Variants in PNRC2 observed in about 807,000 individuals in gnomAD.
PNRC2 encodes proline rich nuclear receptor coactivator 2.
Under a neutral mutation model 12.2 loss-of-function variants are expected in PNRC2, and 2 were observed. The observed-to-expected ratio is 0.16, with a 90% CI of 0.07 to 0.52. The LOEUF (loss-of-function observed/expected upper bound fraction) is 0.52, where lower values mean the gene tolerates loss of function less well. Among genes scored for constraint, PNRC2 ranks in the 20% least tolerant of loss-of-function variants. PNRC2 has a pLI of 0.95. For synonymous variants in PNRC2, 44 were observed against 53.9 expected, an observed-to-expected ratio of 0.82 and a Z score of 0.80; for missense variants, 115 against 158.4, an observed-to-expected ratio of 0.73 and a Z score of 1.47.
chr1:23,959,958 G>A lies in PNRC2; in HGVS notation c.-265G>A, dbSNP rs1014590067. Reference sequence around the variant, plus strand: ...GGAAAGGGAGGGAGGCTTCGACGTCGAGAGGGAGCCGCTGCCGCGTTAGTT... The same window carrying A: ...GGAAAGGGAGGGAGGCTTCGACGTCAAGAGGGAGCCGCTGCCGCGTTAGTT... On this transcript the variant is annotated 5_prime_UTR_variant, in exon 1 of 3. Coordinates refer to ENST00000334351, the MANE Select transcript of PNRC2 (RefSeq NM_017761.4). 4 of 152,292 alleles carry A rather than the reference G, an allele frequency of 2.6e-5. No homozygotes were observed. Among genetic ancestry groups the A allele is most frequent in the African/African-American group, 7.2e-5 (3 of 41,478 alleles). The allele number at this position is 152,292 out of a possible 1,614,324, so 9.4% of individuals were successfully genotyped here. A position where few individuals can be genotyped will look rare whatever the true frequency, so the allele number is the denominator to read the frequency against.
chr1:23,961,410 T>A, intron 2 of PNRC2, 30 bp from the exon 3 acceptor site: 4 of 1,452,020 alleles, frequency 2.8e-6, no homozygotes, highest in Non-Finnish European at 3.7e-6. Flanking sequence ...AATGGAATTT[T>A]ACTCAATATT....
intron 1 of PNRC2, among the ~76,000 whole-genome samples, chr1:23,960,385 A>AT (rs1175044616): frequency 2.6e-5 from 4 of 152,222 alleles, no homozygotes. Context: ...CTAGGGAGAC[A>AT]TTTTTATATA....
rs1488822044 is a variant in PNRC2 at position 23,961,696 on chromosome 1, G to A, written c.239G>A (p.Gly80Asp). 3.1e-6 allele frequency: 5 copies of A among 1,613,842 alleles called. No individual in the cohort carries two copies. Among genetic ancestry groups the A allele is most frequent in the Non-Finnish European group, 4.2e-6 (5 of 1,179,866 alleles). The change falls in exon 3 of 3, where the codon GGT becomes GAT. Residue 80 changes from glycine (G) to aspartate (D), a missense_variant. Physicochemically the swap from Gly to Asp is moderately conservative, Grantham distance 94. Around this residue, in one of 2 missense-constraint regions of PNRC2, gnomAD observed 98 missense variants for 112.4 expected, o/e 0.87. Coordinates refer to ENST00000334351, the MANE Select transcript of PNRC2 (RefSeq NM_017761.4). The stretch of plus-strand genomic sequence containing the variant: ...CAAAGTTGGAATTCTAGCTTATCAG[G>A]TCCCAGGTTACTTTTTAAATCTCAA... ...NNQSWNSSLSGPRLLFKSQAN... is the reference protein window; with the variant it reads ...NNQSWNSSLSDPRLLFKSQAN...
In PNRC2 at chr1:23,961,280, T is replaced by G. The variant is rs1221159781; in HGVS notation, c.-19+146T>G. On this transcript the variant is annotated intron_variant, in intron 2 of 2. Transcript: ENST00000334351. Reference sequence around the variant, plus strand: ...TAAAGGTTGTGCATATATTGAAGTCTGAACGGCTTGCTTTTTTGAGTTTAA... The same window carrying G: ...TAAAGGTTGTGCATATATTGAAGTCGGAACGGCTTGCTTTTTTGAGTTTAA... The G allele has an allele frequency of 6.3e-5, 34 of 540,536 alleles. No individual in the cohort carries two copies. The African/African-American group carries it at 6.4e-4, about 10-fold the overall frequency. The allele number at this position is 540,536 out of a possible 1,614,324, so 33.5% of individuals were successfully genotyped here. A position where few individuals can be genotyped will look rare whatever the true frequency, so the allele number is the denominator to read the frequency against.
chr1:23,961,914 A>G lies in PNRC2; in HGVS notation c.*37A>G, dbSNP rs3211051. 524,970 of 1,266,918 alleles carry G rather than the reference A, an allele frequency of 0.41. 108,775 individuals carry two copies. The highest frequency in any genetic ancestry group is 0.45 in the Non-Finnish European group (409,438 of 903,032). 78.5% of individuals were successfully genotyped at this position (1,266,918 alleles called of 1,614,324 possible). ...TGTTTAAATTTAGTTATGTTCACGG[A>G]TAGTTGTCAATTGGTCTGAAACAAA... On this transcript the variant is annotated 3_prime_UTR_variant, in exon 3 of 3. Transcript: ENST00000334351.
At chr1:23,960,530 T>C (rs1282455130) in intron 1 of PNRC2, among the ~76,000 whole-genome samples, 1 of 152,212 alleles carries the variant, frequency 6.6e-6, no homozygotes, top group Non-Finnish European at 1.5e-5. Context: ...ATGTGACATG[T>C]GTGGAAAGAT....
In PNRC2 at chr1:23,963,135, A is replaced by C. The variant is rs1641313079; in HGVS notation, c.*1258A>C. On this transcript the variant is annotated 3_prime_UTR_variant, in exon 3 of 3. Coordinates refer to ENST00000334351, the MANE Select transcript of PNRC2 (RefSeq NM_017761.4). ...GCAACCCAATGGACCACTTATGCAA[A>C]AGATGTAAACTCTTGCATAATACAT... 2 of 167,058 alleles carry C rather than the reference A, an allele frequency of 1.2e-5. No homozygotes were observed. Among genetic ancestry groups the C allele is most frequent in the African/African-American group, 2.4e-5 (1 of 41,450 alleles). 10.3% of individuals were successfully genotyped at this position (167,058 alleles called of 1,614,324 possible). A position where few individuals can be genotyped will look rare whatever the true frequency, so the allele number is the denominator to read the frequency against.
In PNRC2 at chr1:23,963,088, T is replaced by C. The variant is rs922931458; in HGVS notation, c.*1211T>C. ...AGTATGGTGCCAGTGATGTTTTGTT[T>C]TTGTTTGGTCAAGGGGTAGGTGCAA... On this transcript the variant is annotated 3_prime_UTR_variant, in exon 3 of 3. Coordinates refer to ENST00000334351, the MANE Select transcript of PNRC2 (RefSeq NM_017761.4). The C allele has an allele frequency of 3.0e-5, 5 of 167,016 alleles. No homozygotes were observed. Among genetic ancestry groups the C allele is most frequent in the South Asian group, 2.1e-4 (1 of 4,832 alleles). The allele number at this position is 167,016 out of a possible 1,614,324, so 10.3% of individuals were successfully genotyped here.
Position 23,961,891 on chromosome 1 carries a change from T to C in PNRC2, c.*14T>C. On this transcript the variant is annotated 3_prime_UTR_variant, in exon 3 of 3. Transcript: ENST00000334351. ...GTACAGGTATAAAATAAGACAAATG[T>C]TTAAATTTAGTTATGTTCACGGATA... The C allele has an allele frequency of 2.7e-6, 4 of 1,484,008 alleles. No individual in the cohort carries two copies. The highest frequency in any genetic ancestry group is 3.7e-6 in the Non-Finnish European group (4 of 1,088,160). The allele number at this position is 1,484,008 out of a possible 1,614,324, so 91.9% of individuals were successfully genotyped here. A position where few individuals can be genotyped will look rare whatever the true frequency, so the allele number is the denominator to read the frequency against.
intron 1 of PNRC2, among the ~76,000 whole-genome samples, chr1:23,960,301 G>A (rs1482761721): frequency 6.6e-6 from 1 of 152,172 alleles, no homozygotes; most frequent in Non-Finnish European, 1.5e-5. Context: ...GAAAGGAGGG[G>A]GCTTAACTAT....
chr1:23,960,723 T>C (rs1177702979), intron 1 of PNRC2, among the ~76,000 whole-genome samples: 2 of 152,196 alleles, frequency 1.3e-5, no homozygotes, highest in South Asian at 2.1e-4. Flanking sequence ...CTTACAAAAA[T>C]TCCCCAGGAG....
At position 23,962,784 on chromosome 1, in the gene PNRC2, C is replaced by A. The variant is rs1422977313; in HGVS notation, c.*907C>A. 5 of 166,660 alleles carry A rather than the reference C, an allele frequency of 3.0e-5. No homozygotes were observed. Among genetic ancestry groups the A allele is most frequent in the African/African-American group, 1.2e-4 (5 of 41,286 alleles). 10.3% of individuals were successfully genotyped at this position (166,660 alleles called of 1,614,324 possible). Reference sequence around the variant, plus strand: ...TATAATATGGCCTAATTTTAAAGGTCCAAAATAACTTGTTTTTAAAGTTTG... The same window carrying A: ...TATAATATGGCCTAATTTTAAAGGTACAAAATAACTTGTTTTTAAAGTTTG... On this transcript the variant is annotated 3_prime_UTR_variant, in exon 3 of 3. Transcript: ENST00000334351.
chr1:23,961,915 T>C lies in PNRC2; in HGVS notation c.*38T>C, dbSNP rs1173232432. 1 of 1,261,672 alleles carries C rather than the reference T, an allele frequency of 7.9e-7. No individual in the cohort carries two copies. The highest frequency in any genetic ancestry group is 1.5e-5 in the African/African-American group (1 of 67,372). 78.2% of individuals were successfully genotyped at this position (1,261,672 alleles called of 1,614,324 possible). A position where few individuals can be genotyped will look rare whatever the true frequency, so the allele number is the denominator to read the frequency against. ...GTTTAAATTTAGTTATGTTCACGGATAGTTGTCAATTGGTCTGAAACAAAT... is the reference window on the plus strand; with the variant it reads ...GTTTAAATTTAGTTATGTTCACGGACAGTTGTCAATTGGTCTGAAACAAAT... On this transcript the variant is annotated 3_prime_UTR_variant, in exon 3 of 3. Transcript: ENST00000334351.
chr1:23,963,282 C>T lies in PNRC2; in HGVS notation c.*1405C>T, dbSNP rs1030219900. ...TTTTCTAATTTGGCACCTCTTGATGCCTAAGCAGGTAAGCAGATGCCTAAG... is the reference window on the plus strand; with the variant it reads ...TTTTCTAATTTGGCACCTCTTGATGTCTAAGCAGGTAAGCAGATGCCTAAG... On this transcript the variant is annotated 3_prime_UTR_variant, in exon 3 of 3. Coordinates refer to ENST00000334351, the MANE Select transcript of PNRC2 (RefSeq NM_017761.4). 15 of 166,876 alleles carry T rather than the reference C, an allele frequency of 9.0e-5. No individual in the cohort carries two copies. The highest frequency in any genetic ancestry group is 2.9e-4 in the African/African-American group (12 of 41,396). The allele number at this position is 166,876 out of a possible 1,614,324, so 10.3% of individuals were successfully genotyped here. A position where few individuals can be genotyped will look rare whatever the true frequency, so the allele number is the denominator to read the frequency against.
Position 23,961,479 on chromosome 1 carries a change from A to T in PNRC2, c.22A>T (p.Asn8Tyr). 6.2e-7 allele frequency: 1 copy of T among 1,609,630 alleles called. No homozygotes were observed. The highest frequency in any genetic ancestry group is 1.1e-5 in the South Asian group (1 of 90,712). Residue 8 changes from asparagine to tyrosine, a missense_variant, in exon 3 of 3, where the codon AAC (asparagine) becomes TAC (tyrosine). Around this residue, in one of 2 missense-constraint regions of PNRC2, gnomAD observed 98 missense variants for 112.4 expected, o/e 0.87. Transcript: ENST00000334351. MGGGERY[N>Y]IPAPQSRNVS... ...GAAGATGGGTGGTGGAGAGAGGTAT[A>T]ACATTCCAGCCCCTCAATCTAGAAA...
Position 23,962,028 on chromosome 1 carries a change from T to C in PNRC2, c.*151T>C. 3.6e-6 allele frequency: 2 copies of C among 549,822 alleles called. No homozygotes were observed. Among genetic ancestry groups the C allele is most frequent in the Non-Finnish European group, 6.3e-6 (2 of 315,754 alleles). 34.1% of individuals were successfully genotyped at this position (549,822 alleles called of 1,614,324 possible). On this transcript the variant is annotated 3_prime_UTR_variant, in exon 3 of 3. Coordinates refer to ENST00000334351, the MANE Select transcript of PNRC2 (RefSeq NM_017761.4). ...TGTGCACTGTGATATAATGGTAGTATCAGTGCAACTTAAACTAATGATTGT... is the reference window on the plus strand; with the variant it reads ...TGTGCACTGTGATATAATGGTAGTACCAGTGCAACTTAAACTAATGATTGT...
rs919198230 is a variant in PNRC2 at position 23,961,588 on chromosome 1, A to G, written c.131A>G (p.Glu44Gly). Residue 44 changes from glutamate to glycine, a missense_variant, in exon 3 of 3, where the codon GAA becomes GGA. Glu to Gly is a moderately conservative substitution (Grantham distance 98). This residue lies in a region of PNRC2 where 98 missense variants were observed against 112.4 expected (regional missense o/e 0.87). Transcript: ENST00000334351. ...SQMKIVHKKK[E>G]RGHGYNSSAA... is the part of the protein sequence containing the mutation. ...ATGAAGATTGTTCATAAGAAAAAAG[A>G]AAGAGGACATGGTTATAACTCATCA... 3 of 1,613,860 alleles carry G rather than the reference A, an allele frequency of 1.9e-6. No individual in the cohort carries two copies. The African/African-American group carries it at 4.0e-5, about 22-fold the overall frequency.
chr1:23,961,387 T>A (rs41307878), intron 2 of PNRC2, 53 bp from the exon 3 acceptor site: 1 of 1,330,538 alleles, frequency 7.5e-7, no homozygotes, highest in East Asian at 2.3e-5. Context: ...CTTAAAGATT[T>A]TGAACTTTTC....
chr1:23,962,006 G>T lies in PNRC2; in HGVS notation c.*129G>T. 6.4e-6 allele frequency: 4 copies of T among 621,344 alleles called. No homozygotes were observed. The highest frequency in any genetic ancestry group is 8.6e-6 in the Non-Finnish European group (3 of 348,316). 38.5% of individuals were successfully genotyped at this position (621,344 alleles called of 1,614,324 possible). ...AAAAATAGACCATCTCGTGTTGTGTGCACTGTGATATAATGGTAGTATCAG... is the reference window on the plus strand; with the variant it reads ...AAAAATAGACCATCTCGTGTTGTGTTCACTGTGATATAATGGTAGTATCAG... On this transcript the variant is annotated 3_prime_UTR_variant, in exon 3 of 3. Coordinates refer to ENST00000334351, the MANE Select transcript of PNRC2 (RefSeq NM_017761.4).
Sources: gnomAD v4.1 joint callset for allele counts (sites outside exome capture counted in the v4.1 genomes callset) on GRCh38, gnomAD v4.1.1 for gene constraint, gnomAD v4.1.1 regional missense constraint, MANE v1.5 for transcripts, NCBI Gene and HGNC (gene_info 2026-07-23, HGNC 2026-07-21) for gene names.